PIK3C2G: variants seen among roughly 807,000 people sequenced by gnomAD.
The protein encoded by PIK3C2G is phosphatidylinositol 3-kinase C2 domain-containing subunit gamma.
PIK3C2G carries 168 observed loss-of-function variants against 181.1 expected under a neutral mutation model. The observed-to-expected ratio is 0.93, with a 90% CI of 0.82 to 1.05. The LOEUF (loss-of-function observed/expected upper bound fraction) is 1.05, where lower values mean the gene tolerates loss of function less well. PIK3C2G is among the 50% of genes least tolerant of loss of function. PIK3C2G has a pLI of 0.00. For missense variants in PIK3C2G, 1,869 were observed against 1,732.8 expected, an observed-to-expected ratio of 1.08 and a Z score of -1.40; for synonymous variants, 573 against 592.2, an observed-to-expected ratio of 0.97 and a Z score of 0.47.
intron 16 of PIK3C2G, among the ~76,000 whole-genome samples, chr12:18,419,955 T>G (rs1945386341): frequency 6.6e-6 from 1 of 152,134 alleles, no homozygotes; most frequent in Non-Finnish European, 1.5e-5. Context: ...AACCTCCTAC[T>G]GGAAGCCAAT....
intron 14 of PIK3C2G, among the ~76,000 whole-genome samples, chr12:18,387,122 C>T (rs1943225547): frequency 6.6e-6 from 1 of 152,116 alleles, no homozygotes; most frequent in African/African-American, 2.4e-5. Context: ...TGTCTCCTTC[C>T]TTCTTTCTCT....
chr12:18,438,195 T>C (rs1946549277), intron 18 of PIK3C2G, among the ~76,000 whole-genome samples: 1 of 151,896 alleles, frequency 6.6e-6, no homozygotes, highest in Non-Finnish European at 1.5e-5. Flanking sequence ...ATTCAATGTA[T>C]TTATTAACAA....
chr12:18,703,732 C>T, the PIK3C2G span, among the ~76,000 whole-genome samples: 52 of 152,166 alleles, frequency 3.4e-4, no homozygotes, highest in African/African-American at 1.2e-3. Context: ...ACAATTTTCA[C>T]TTTTTCCCAC....
chr12:18,319,278 A>G (rs1951002546), intron 6 of PIK3C2G, among the ~76,000 whole-genome samples: 1 of 152,170 alleles, frequency 6.6e-6, no homozygotes, highest in African/African-American at 2.4e-5. Flanking sequence ...AGATTTTCTT[A>G]TAGCTCAGGG....
In PIK3C2G at chr12:18,592,703, T is replaced by C. The variant is rs1947148986; in HGVS notation, c.4012-1791T>C. On this transcript the variant is annotated intron_variant, in intron 29 of 32. Coordinates refer to ENST00000538779, the MANE Select transcript of PIK3C2G (RefSeq NM_001288772.2). ...ATTCGATTTATGTGTGAGTATATTT[T>C]GGGTGGTTTGACTCACCTGTTTGTT... is the stretch of plus-strand genomic sequence containing the variant. 3.3e-5 allele frequency among the ~76,000 whole-genome samples: 5 copies of C among 151,978 alleles called. No individual in the cohort carries two copies. In the South Asian group the frequency reaches 8.3e-4, roughly 25 times the overall value.
At chr12:18,469,969 C>A (rs1938299558) in intron 18 of PIK3C2G, among the ~76,000 whole-genome samples, 1 of 149,400 alleles carries the variant, frequency 6.7e-6, no homozygotes. Context: ...GTATTACCAA[C>A]TTTGTCATAG....
At chr12:18,627,894 G>A (rs1014184187) in intron 31 of PIK3C2G, among the ~76,000 whole-genome samples, 3 of 152,098 alleles carry the variant, frequency 2.0e-5, no homozygotes, top group Non-Finnish European at 4.4e-5. Flanking sequence ...AGACATTTAA[G>A]CTAAAGAAAA....
At chr12:18,260,568 A>G (rs1038670858), upstream of PIK3C2G, among the ~76,000 whole-genome samples, 1 of 152,050 alleles carries the variant, frequency 6.6e-6, no homozygotes, top group Admixed American at 6.6e-5. Flanking sequence ...TACTATAAAT[A>G]TCTTTCCATG....
At chr12:18,328,525 A>G (rs1386237420) in intron 8 of PIK3C2G, among the ~76,000 whole-genome samples, 1 of 152,020 alleles carries the variant, frequency 6.6e-6, no homozygotes, top group African/African-American at 2.4e-5. Context: ...ACATAACTTA[A>G]GCCTAATGGT....
the PIK3C2G span, among the ~76,000 whole-genome samples, chr12:18,677,475 A>AG: frequency 6.6e-6 from 1 of 152,098 alleles, no homozygotes; most frequent in Non-Finnish European, 1.5e-5. Context: ...CTGCTTGGCC[A>AG]GACCTTCTGA....
intron 1 of PIK3C2G, among the ~76,000 whole-genome samples, chr12:18,250,801 A>G (rs951945832): frequency 2.0e-5 from 3 of 152,012 alleles, no homozygotes; most frequent in African/African-American, 7.2e-5. Context: ...AGAAATACCA[A>G]CTTCTGCTTT....
At chr12:18,525,116 C>A (rs1205577301) in intron 24 of PIK3C2G, among the ~76,000 whole-genome samples, 1 of 151,780 alleles carries the variant, frequency 6.6e-6, no homozygotes. Context: ...TTGGGCCAGA[C>A]CTGATGGCTC....
intron 14 of PIK3C2G, among the ~76,000 whole-genome samples, chr12:18,383,577 GAA>G (rs1274190886): frequency 6.6e-6 from 1 of 152,164 alleles, no homozygotes; most frequent in African/African-American, 2.4e-5. Context: ...CACAGATTCA[GAA>G]AAGAGTTGGC....
rs200731565 is a variant in PIK3C2G at position 18,647,791 on chromosome 12, A to AT, written c.4309-77dup. 2.0e-3 allele frequency: 1,406 copies of AT among 720,384 alleles called. 16 individuals are homozygous for AT. In the African/African-American group the frequency reaches 0.023, roughly 12 times the overall value. 44.6% of individuals were successfully genotyped at this position (720,384 alleles called of 1,614,324 possible). A position where few individuals can be genotyped will look rare whatever the true frequency, so the allele number is the denominator to read the frequency against. On this transcript the variant is annotated intron_variant, in intron 32 of 32. Coordinates refer to ENST00000538779, the MANE Select transcript of PIK3C2G (RefSeq NM_001288772.2). ...CCAGGGTATAAGATATTAGCAGCTA[A>AT]TTTTTTTTATTAAAAGCAATACTCA...
intron 18 of PIK3C2G, 111 bp from the exon 19 acceptor site, chr12:18,488,338 C>T: frequency 1.7e-6 from 1 of 589,512 alleles, no homozygotes; most frequent in Non-Finnish European, 2.6e-6. Context: ...TGTTAAACTG[C>T]CCAAAGCCAC....
At chr12:18,389,276 C>T (rs1432383199) in intron 14 of PIK3C2G, among the ~76,000 whole-genome samples, 1 of 151,952 alleles carries the variant, frequency 6.6e-6, no homozygotes, top group East Asian at 1.9e-4. Context: ...TGGCGTGAAC[C>T]CGGCAGGTGG....
At chr12:18,625,103 CACA>C (rs1565575096) in intron 31 of PIK3C2G, among the ~76,000 whole-genome samples, 1 of 151,544 alleles carries the variant, frequency 6.6e-6, no homozygotes, top group South Asian at 2.1e-4. Context: ...TTCCTTGAAG[CACA>C]ACATTAAATT....
chr12:18,441,710 G>A (rs7966657), intron 18 of PIK3C2G, among the ~76,000 whole-genome samples: 24,340 of 151,916 alleles, frequency 0.16, 2,266 homozygotes, highest in African/African-American at 0.26. Context: ...AACAAACTCA[G>A]AATCACTTAT....
chr12:18,496,159 G>T lies in PIK3C2G; in HGVS notation c.2886+5G>T, dbSNP rs1284881129. 4.1e-6 allele frequency: 6 copies of T among 1,476,086 alleles called. No individual in the cohort carries two copies. The Admixed American group carries it at 6.3e-5, about 16-fold the overall frequency. The allele number at this position is 1,476,086 out of a possible 1,614,324, so 91.4% of individuals were successfully genotyped here. On this transcript the variant is annotated splice_donor_5th_base_variant and intron_variant, in intron 21 of 32. Coordinates refer to ENST00000538779, the MANE Select transcript of PIK3C2G (RefSeq NM_001288772.2). ...AACATCAGCATTATTTTTAAGGTAT[G>T]GTAGCGCTCTTAAAACATGAATTGA...
Sources: allele counts gnomAD v4.1 joint callset (sites outside exome capture counted in the v4.1 genomes callset), GRCh38; gene constraint gnomAD v4.1.1; transcripts MANE v1.5; gene names NCBI Gene and HGNC (gene_info 2026-07-23, HGNC 2026-07-21).